Variants in BACH2 observed in about 807,000 individuals in gnomAD.
BACH2 encodes BACH transcriptional regulator 2.
Under a neutral mutation model 61.8 loss-of-function variants are expected in BACH2, and 5 were observed. That is an observed-to-expected ratio of 0.08 (90% CI 0.04 to 0.17). The LOEUF is 0.17. Among genes scored for constraint, BACH2 ranks in the 10% least tolerant of loss-of-function variants. The pLI is 1.00. For missense variants in BACH2, 824 were observed against 1,091.1 expected (o/e 0.76, Z 3.45); for synonymous variants, 446 against 440.1 (o/e 1.01, Z -0.17).
intron 3 of BACH2, among the ~76,000 whole-genome samples, chr6:90,207,143 G>C (rs1391147609): frequency 1.3e-5 from 2 of 151,850 alleles, no homozygotes; most frequent in Non-Finnish European, 2.9e-5. Context: ...TTTTGGCATA[G>C]AGTCTCATTC....
chr6:90,104,913 AAGG>A (rs557801640), intron 4 of BACH2, among the ~76,000 whole-genome samples: 1 of 152,192 alleles, frequency 6.6e-6, no homozygotes, highest in Non-Finnish European at 1.5e-5. Flanking sequence ...TTGGAACTCT[AAGG>A]AGACCGATAA....
chr6:90,118,012 G>A (rs983666791), intron 4 of BACH2, among the ~76,000 whole-genome samples: 8 of 151,988 alleles, frequency 5.3e-5, no homozygotes, highest in Admixed American at 1.3e-4. Flanking sequence ...AGTGTTTATT[G>A]ACTATAATAT....
intron 4 of BACH2, among the ~76,000 whole-genome samples, chr6:90,148,923 G>A (rs191015098): frequency 1.1e-3 from 174 of 152,294 alleles, no homozygotes; most frequent in African/African-American, 4.0e-3. Context: ...AGGGCTGGAA[G>A]GGCCTTGTGG....
At chr6:90,179,358 G>C (rs1447994079) in intron 4 of BACH2, among the ~76,000 whole-genome samples, 2 of 152,146 alleles carry the variant, frequency 1.3e-5, no homozygotes, top group East Asian at 3.8e-4. Flanking sequence ...CCCCTAAAAG[G>C]GGCTGGGGTG....
At chr6:90,192,771 T>C (rs1243264884) in intron 4 of BACH2, among the ~76,000 whole-genome samples, 1 of 152,248 alleles carries the variant, frequency 6.6e-6, no homozygotes, top group East Asian at 1.9e-4. Context: ...TGAGAATATA[T>C]TAGATTCTTA....
At chr6:90,249,388 T>C (rs781390016) in intron 3 of BACH2, among the ~76,000 whole-genome samples, 40 of 152,264 alleles carry the variant, frequency 2.6e-4, no homozygotes, top group Middle Eastern at 3.4e-3. Flanking sequence ...TAGAAGGAAG[T>C]AAACTTTGGC....
intron 5 of BACH2, among the ~76,000 whole-genome samples, chr6:90,011,417 T>C (rs1401725327): frequency 6.6e-6 from 1 of 152,226 alleles, no homozygotes; most frequent in Non-Finnish European, 1.5e-5. Flanking sequence ...TGTCTACTTT[T>C]GTTTTTTTTG....
intron 5 of BACH2, among the ~76,000 whole-genome samples, chr6:90,040,602 A>G (rs1305791756): frequency 6.6e-6 from 1 of 151,750 alleles, no homozygotes; most frequent in Admixed American, 6.6e-5. Flanking sequence ...CATTCACATT[A>G]AATTTGTGAT....
At chr6:89,940,251 C>T (rs1341201112) in intron 7 of BACH2, among the ~76,000 whole-genome samples, 1 of 152,150 alleles carries the variant, frequency 6.6e-6, no homozygotes, top group Admixed American at 6.5e-5. Flanking sequence ...CTCAAGTGAT[C>T]CGCCCGCCTT....
chr6:89,973,153 A>T (rs1279611692), intron 6 of BACH2, among the ~76,000 whole-genome samples: 1 of 152,202 alleles, frequency 6.6e-6, no homozygotes, highest in Non-Finnish European at 1.5e-5. Context: ...TGTAATCCCA[A>T]CTACTCAGCA....
chr6:90,025,531 A>G (rs760236041), intron 5 of BACH2, among the ~76,000 whole-genome samples: 5 of 152,188 alleles, frequency 3.3e-5, no homozygotes, highest in Non-Finnish European at 7.3e-5. Context: ...AGGACAGAGA[A>G]AAGTCATTTC....
chr6:90,058,594 G>A (rs1780500942), intron 5 of BACH2, among the ~76,000 whole-genome samples: 1 of 152,152 alleles, frequency 6.6e-6, no homozygotes, highest in South Asian at 2.1e-4. Context: ...AGCTACCAAT[G>A]ACTTTCTTCA....
At chr6:89,977,153 G>C (rs756663717) in intron 6 of BACH2, among the ~76,000 whole-genome samples, 1 of 152,068 alleles carries the variant, frequency 6.6e-6, no homozygotes, top group Non-Finnish European at 1.5e-5. Context: ...CCTACTGAAA[G>C]TACACCTCTC....
chr6:90,031,859 A>C (rs550981560), intron 5 of BACH2, among the ~76,000 whole-genome samples: 5 of 152,314 alleles, frequency 3.3e-5, no homozygotes, highest in African/African-American at 9.6e-5. Context: ...AACTACTTTA[A>C]AGTTCATACG....
intron 5 of BACH2, among the ~76,000 whole-genome samples, chr6:90,052,962 CT>C: frequency 6.6e-6 from 1 of 151,918 alleles, no homozygotes; most frequent in East Asian, 1.9e-4. Context: ...TCTATTTGTC[CT>C]ACTTTCCTAT....
At chr6:90,156,307 A>C (rs970591466) in intron 4 of BACH2, among the ~76,000 whole-genome samples, 1 of 152,222 alleles carries the variant, frequency 6.6e-6, no homozygotes, top group Non-Finnish European at 1.5e-5. Context: ...CTTTCATAAC[A>C]ACCCCTGTAG....
At position 90,296,775 on chromosome 6, in the gene BACH2, G is replaced by C. The variant is rs1772415016; in HGVS notation, c.-741C>G. The C allele has an allele frequency of 5.8e-6, 1 of 171,746 alleles. No homozygotes were observed. The highest frequency in any genetic ancestry group is 1.2e-5 in the Non-Finnish European group (1 of 84,054). The allele number at this position is 171,746 out of a possible 1,614,324, so 10.6% of individuals were successfully genotyped here. A position where few individuals can be genotyped will look rare whatever the true frequency, so the allele number is the denominator to read the frequency against. Reference sequence around the variant, plus strand: ...AGCGCTGTGCGACCGCAGCCCGGGCGTGCACGGCCGCTGCTGCCGCTGCTG... The same window carrying C: ...AGCGCTGTGCGACCGCAGCCCGGGCCTGCACGGCCGCTGCTGCCGCTGCTG... On this transcript the variant is annotated 5_prime_UTR_variant, in exon 1 of 9. Transcript: ENST00000257749.
At chr6:90,038,266 C>T (rs973258818) in intron 5 of BACH2, among the ~76,000 whole-genome samples, 3 of 152,182 alleles carry the variant, frequency 2.0e-5, no homozygotes, top group East Asian at 1.9e-4. Flanking sequence ...TTCATGTAAC[C>T]ACCACCCAAA....
chr6:90,039,875 C>T (rs1779446225), intron 5 of BACH2, among the ~76,000 whole-genome samples: 2 of 152,190 alleles, frequency 1.3e-5, no homozygotes, highest in Admixed American at 6.5e-5. Flanking sequence ...ATTTCCACAT[C>T]TGTAAATTGT....
Sources: gnomAD v4.1 joint callset for allele counts (sites outside exome capture counted in the v4.1 genomes callset) on GRCh38, gnomAD v4.1.1 for gene constraint, MANE v1.5 for transcripts, NCBI Gene and HGNC (gene_info 2026-07-23, HGNC 2026-07-21) for gene names.